NUP133: variants seen among roughly 807,000 people sequenced by gnomAD.
The protein encoded by NUP133 is nucleoporin 133, also known as nuclear pore complex protein Nup133.
A neutral mutation model predicts 146.2 loss-of-function variants in NUP133; 66 were observed. The observed-to-expected ratio is 0.45, with a 90% CI of 0.37 to 0.55. The LOEUF (loss-of-function observed/expected upper bound fraction) is 0.55, where lower values mean the gene tolerates loss of function less well. NUP133 is among the 20% of genes least tolerant of loss of function. The probability of loss-of-function intolerance (pLI) is 0.00; values close to 1 mark genes in which losing one functional copy is unlikely to be tolerated. For missense variants in NUP133, 1,277 were observed against 1,374.8 expected (o/e 0.93, Z 1.12); for synonymous variants, 521 against 498.8 (o/e 1.04, Z -0.59).
chr1:229,449,891 T>A (rs12139267), intron 23 of NUP133, among the ~76,000 whole-genome samples: 52 of 107,536 alleles, frequency 4.8e-4, no homozygotes, highest in South Asian at 9.2e-4. Context: ...TTTTTTTTTT[T>A]TTTTTTTTGA....
In NUP133 at chr1:229,470,786, G is replaced by A; in HGVS notation, c.1870C>T (p.Leu624=). 6.2e-7 allele frequency: 1 copy of A among 1,613,974 alleles called. No individual in the cohort carries two copies. ...FIHQVGLFGR[L]GSFPVRGTPM... ...GTCCCTCTAACTGGAAAACTGCCTA[G>A]ACGTCCAAATAAGCCAACCTTGCAA... is the stretch of plus-strand genomic sequence containing the variant. Residue 624 remains leucine (L), a synonymous_variant, in exon 15 of 26, where the codon CTA becomes TTA. Coordinates refer to ENST00000261396, the MANE Select transcript of NUP133 (RefSeq NM_018230.3).
rs200015837 is a variant in NUP133 at position 229,500,804 on chromosome 1, T to C, written c.465A>G (p.Leu155=). 1.3e-4 allele frequency: 205 copies of C among 1,613,380 alleles called. No individual in the cohort carries two copies. In the East Asian group the frequency reaches 4.5e-3, roughly 36 times the overall value. ...PPSDFHWSAD[L]VALSYSSPSG... is the part of the protein sequence containing the mutation. ...AGGGAGAAGAGTAAGAAAGAGCCAC[T>C]AAGTCGGCACTCCAGTGGAAATCAC... Residue 155 remains leucine, a synonymous_variant, in exon 4 of 26, where the codon TTA becomes TTG. Coordinates refer to ENST00000261396, the MANE Select transcript of NUP133 (RefSeq NM_018230.3).
intron 24 of NUP133, among the ~76,000 whole-genome samples, chr1:229,445,882 G>A (rs1358398535): frequency 2.0e-5 from 3 of 152,192 alleles, no homozygotes; most frequent in African/African-American, 7.2e-5. Context: ...TCAGAGGAGG[G>A]AAGAAATGCT....
intron 6 of NUP133, 53 bp downstream of exon 6, chr1:229,498,083 T>A: frequency 7.5e-7 from 1 of 1,324,716 alleles, no homozygotes; most frequent in Non-Finnish European, 1.0e-6. Context: ...TACTTTCAAC[T>A]TATTGATTTA....
Position 229,477,602 on chromosome 1 carries a change from G to A in NUP133, c.1751C>T (p.Pro584Leu). 6.2e-7 allele frequency: 1 copy of A among 1,610,684 alleles called. No homozygotes were observed. The highest frequency in any genetic ancestry group is 8.5e-7 in the Non-Finnish European group (1 of 1,178,056). ...CATAATTGAAACATTCTTACCCTCA[G>A]GGACAGACTCAGCCCACCGTGGGTC... Reference protein sequence around the residue: ...ASDPRWAESVPEEAPGFSNTS... With the variant: ...ASDPRWAESVLEEAPGFSNTS... Residue 584 changes from proline to leucine, a missense_variant, in exon 13 of 26, where the codon CCT (proline) becomes CTT (leucine). Around this residue, in one of 3 missense-constraint regions of NUP133, gnomAD observed 952 missense variants for 1,047.0 expected, o/e 0.91. Coordinates refer to ENST00000261396, the MANE Select transcript of NUP133 (RefSeq NM_018230.3).
chr1:229,464,094 G>A (rs1391499979), intron 18 of NUP133, among the ~76,000 whole-genome samples: 1 of 152,078 alleles, frequency 6.6e-6, no homozygotes, highest in Admixed American at 6.5e-5. Flanking sequence ...GCAGTGAGCT[G>A]AGATTATACC....
At chr1:229,457,358 T>C (rs999223392) in intron 21 of NUP133, among the ~76,000 whole-genome samples, 3 of 152,142 alleles carry the variant, frequency 2.0e-5, no homozygotes, top group Non-Finnish European at 4.4e-5. Context: ...TCCTCTCTCC[T>C]TGGTTCTAAA....
chr1:229,452,064 C>T (rs1411233682), intron 22 of NUP133, among the ~76,000 whole-genome samples: 6 of 152,204 alleles, frequency 3.9e-5, no homozygotes. Flanking sequence ...CAAAGAGATG[C>T]TTCTTCTCTA....
intron 9 of NUP133, 101 bp from the exon 10 acceptor site, chr1:229,487,714 C>T (rs1267469757): frequency 2.2e-6 from 2 of 906,516 alleles, no homozygotes; most frequent in Non-Finnish European, 3.3e-6. Flanking sequence ...AAAAATATTT[C>T]ACCAATTCTC....
intron 13 of NUP133, 34 bp downstream of exon 13, chr1:229,477,563 A>G (rs1280171051): frequency 1.9e-6 from 3 of 1,554,176 alleles, no homozygotes; most frequent in Non-Finnish European, 2.6e-6. Context: ...GAATATGTTC[A>G]AAACACACCG....
At chr1:229,482,010 G>C (rs891733885) in intron 12 of NUP133, among the ~76,000 whole-genome samples, 8 of 152,186 alleles carry the variant, frequency 5.3e-5, no homozygotes, top group Non-Finnish European at 1.2e-4. Flanking sequence ...TTTACATTTT[G>C]AGATGCCACA....
intron 17 of NUP133, 152 bp downstream of exon 17, chr1:229,465,268 G>A (rs1340405776): frequency 4.6e-6 from 3 of 648,212 alleles, no homozygotes; most frequent in African/African-American, 1.8e-5. Context: ...AGCAAGGGAC[G>A]AATAAAGTGA....
intron 6 of NUP133, 79 bp downstream of exon 6, chr1:229,498,057 T>C: frequency 9.8e-7 from 1 of 1,025,428 alleles, no homozygotes; most frequent in South Asian, 1.8e-5. Context: ...TATGGAGGAA[T>C]ACTAAATTCA....
At chr1:229,456,975 ACAC>A (rs1660583505) in intron 21 of NUP133, among the ~76,000 whole-genome samples, 1 of 151,452 alleles carries the variant, frequency 6.6e-6, no homozygotes, top group Non-Finnish European at 1.5e-5. Flanking sequence ...CTACAGGCGC[ACAC>A]CACCACACCT....
rs1251173656 is a variant in NUP133 at position 229,453,902 on chromosome 1, T to C, written c.2981-1259A>G. ...AGACTACATATGTTTTATGTATTCA[T>C]AACCTGTCTTTTTCTTAATTTTTTT... On this transcript the variant is annotated intron_variant, in intron 21 of 25. Coordinates refer to ENST00000261396, the MANE Select transcript of NUP133 (RefSeq NM_018230.3). Among the ~76,000 whole-genome samples, 3 of 147,782 alleles carry C rather than the reference T, an allele frequency of 2.0e-5. No individual in the cohort carries two copies. The Admixed American group carries it at 2.0e-4, about 10-fold the overall frequency.
intron 18 of NUP133, among the ~76,000 whole-genome samples, chr1:229,464,008 G>C (rs10916482): frequency 0.2 from 31,079 of 152,060 alleles, 3,651 homozygotes; most frequent in African/African-American, 0.31. Flanking sequence ...AGCCAGTTGT[G>C]GTGGCACACG....
chr1:229,468,764 A>C (rs964653695), intron 15 of NUP133, among the ~76,000 whole-genome samples: 6 of 152,244 alleles, frequency 3.9e-5, no homozygotes, highest in Non-Finnish European at 8.8e-5. Context: ...AAAATTATAT[A>C]TGAATAAAGA....
chr1:229,450,094 C>T (rs1236578637), intron 23 of NUP133, among the ~76,000 whole-genome samples: 1 of 148,194 alleles, frequency 6.7e-6, no homozygotes, highest in African/African-American at 2.5e-5. Context: ...TGGAGTTTCA[C>T]CATGTTTGCC....
intron 17 of NUP133, 118 bp from the exon 18 acceptor site, chr1:229,464,993 G>GTATCACCT: frequency 3.4e-6 from 4 of 1,186,948 alleles, no homozygotes; most frequent in Non-Finnish European, 4.8e-6. Flanking sequence ...CATTGAACAG[G>GTATCACCT]GATTCAGGTG....
Sources: gnomAD v4.1 joint callset for allele counts (sites outside exome capture counted in the v4.1 genomes callset) on GRCh38, gnomAD v4.1.1 for gene constraint, gnomAD v4.1.1 regional missense constraint, MANE v1.5 for transcripts, NCBI Gene and HGNC (gene_info 2026-07-23, HGNC 2026-07-21) for gene names.